TCEA3: variants seen among roughly 807,000 people sequenced by gnomAD.
The protein encoded by TCEA3 is transcription elongation factor A3.
TCEA3 carries 36 observed loss-of-function variants against 44.0 expected under a neutral mutation model. The ratio of observed to expected loss-of-function variants is 0.82; its 90% confidence interval spans 0.63 to 1.08. The LOEUF (loss-of-function observed/expected upper bound fraction) is 1.08. TCEA3 is among the 50% of genes least tolerant of loss of function. TCEA3 has a pLI of 0.00. For missense variants in TCEA3, 392 were observed against 441.2 expected, an observed-to-expected ratio of 0.89 and a Z score of 1.00; for synonymous variants, 162 against 159.7, an observed-to-expected ratio of 1.01 and a Z score of -0.11.
At chr1:23,418,394 C>T (rs144867416) in intron 2 of TCEA3, 2,898 of 195,810 alleles carry the variant, frequency 0.015, 89 homozygotes, top group African/African-American at 0.062. Flanking sequence ...TCACTGCAAC[C>T]TCCACCTCCC....
At chr1:23,417,853 C>G in intron 3 of TCEA3, 51 bp downstream of exon 3, 15 of 1,556,582 alleles carry the variant, frequency 9.6e-6, no homozygotes, top group Non-Finnish European at 1.3e-5. Flanking sequence ...CCAGTCCTGT[C>G]CCAAGTGCTA....
At chr1:23,392,405 T>TCATACACACACACTCCACA (rs1558030120) in intron 8 of TCEA3, among the ~76,000 whole-genome samples, 7,099 of 17,202 alleles carry the variant, frequency 0.41, 3,180 homozygotes, top group Middle Eastern at 0.82. Context: ...ACTCCACACA[T>TCATACACACACACTCCACA]CATCATGCAC....
rs550364999 is a variant in TCEA3 at position 23,382,563 on chromosome 1, C to T, written c.1039-1089G>A. Among the ~76,000 whole-genome samples the T allele has an allele frequency of 2.6e-5, 4 of 152,236 alleles. No homozygotes were observed. In the South Asian group the frequency reaches 8.3e-4, roughly 31 times the overall value. On this transcript the variant is annotated intron_variant, in intron 10 of 10. Coordinates refer to ENST00000450454, the MANE Select transcript of TCEA3 (RefSeq NM_003196.3). ...AGCTGAGGCTGAAACGTAGCCCCTGCTCTGTTTGCTCCGTACCCTGGCATG... is the reference window on the plus strand; with the variant it reads ...AGCTGAGGCTGAAACGTAGCCCCTGTTCTGTTTGCTCCGTACCCTGGCATG...
At chr1:23,386,759 C>A (rs960999267) in intron 9 of TCEA3, among the ~76,000 whole-genome samples, 1 of 151,936 alleles carries the variant, frequency 6.6e-6, no homozygotes, top group South Asian at 2.1e-4. Flanking sequence ...CTCACTCTGT[C>A]GCCCAAGCTG....
intron 4 of TCEA3, among the ~76,000 whole-genome samples, chr1:23,416,739 G>A (rs973512732): frequency 2.0e-5 from 3 of 151,894 alleles, no homozygotes; most frequent in East Asian, 1.9e-4. Context: ...TGATCCTCCC[G>A]CCTCAGCCTC....
chr1:23,399,855 T>C (rs1019541175), intron 5 of TCEA3, among the ~76,000 whole-genome samples: 1 of 152,136 alleles, frequency 6.6e-6, no homozygotes, highest in Non-Finnish European at 1.5e-5. Flanking sequence ...TTTGTATTTT[T>C]AGTAGAGATG....
chr1:23,385,873 G>A (rs1452901120), intron 9 of TCEA3, among the ~76,000 whole-genome samples: 1 of 152,174 alleles, frequency 6.6e-6, no homozygotes, highest in Non-Finnish European at 1.5e-5. Flanking sequence ...TGTGGATCTT[G>A]TTTATTACTA....
chr1:23,393,923 T>C lies in TCEA3; in HGVS notation c.775A>G (p.Ser259Gly). 6.2e-7 allele frequency: 1 copy of C among 1,613,954 alleles called. No individual in the cohort carries two copies. The highest frequency in any genetic ancestry group is 8.5e-7 in the Non-Finnish European group (1 of 1,179,888). Reference protein sequence around the residue: ...RNPGLRRNVLSGAISAGLIAK... With the variant: ...RNPGLRRNVLGGAISAGLIAK... ...ATAAGCCCTGCGGAGATGGCCCCAC[T>C]GAGCACGTTCCGCCGCAGGCCGGGG... is the stretch of plus-strand genomic sequence containing the variant. The change falls in exon 8 of 11, where the codon AGT becomes GGT. Residue 259 changes from serine (S) to glycine (G), a missense_variant. Coordinates refer to ENST00000450454, the MANE Select transcript of TCEA3 (RefSeq NM_003196.3).
chr1:23,408,105 G>GCACGCA (rs1024390647), intron 5 of TCEA3, among the ~76,000 whole-genome samples: 5 of 152,240 alleles, frequency 3.3e-5, no homozygotes, highest in Admixed American at 2.0e-4. Context: ...GGGATTACAG[G>GCACGCA]TGCCCACCAC....
At chr1:23,408,458 C>A in intron 5 of TCEA3, 2 of 523,838 alleles carry the variant, frequency 3.8e-6, no homozygotes, top group Admixed American at 3.3e-5. Context: ...AAGAATTGAC[C>A]ACAGAGAGAT....
intron 10 of TCEA3, chr1:23,384,102 A>G (rs558683880): frequency 8.1e-5 from 109 of 1,339,408 alleles, no homozygotes; most frequent in Non-Finnish European, 1.0e-4. Flanking sequence ...TCATCCTGTG[A>G]TAAAATGTGG....
chr1:23,387,610 C>T (rs536567282), intron 8 of TCEA3, among the ~76,000 whole-genome samples, 191 bp from the exon 9 acceptor site: 102 of 152,352 alleles, frequency 6.7e-4, no homozygotes, highest in African/African-American at 2.3e-3. Flanking sequence ...CTCCTGCCGC[C>T]CACGGCTGGA....
chr1:23,407,069 C>A (rs1639565040), intron 5 of TCEA3, among the ~76,000 whole-genome samples: 1 of 152,186 alleles, frequency 6.6e-6, no homozygotes, highest in Non-Finnish European at 1.5e-5. Flanking sequence ...GATTTTCCAC[C>A]CCAAGCCTGA....
intron 8 of TCEA3, 117 bp from the exon 9 acceptor site, chr1:23,387,536 A>G (rs1360770978): frequency 8.1e-7 from 1 of 1,233,948 alleles, no homozygotes; most frequent in Non-Finnish European, 1.1e-6. Flanking sequence ...GACTGCAAGG[A>G]GCTGGAAGGA....
intron 4 of TCEA3, among the ~76,000 whole-genome samples, chr1:23,410,635 C>T (rs1023418898): frequency 2.6e-5 from 4 of 151,894 alleles, no homozygotes; most frequent in African/African-American, 9.7e-5. Flanking sequence ...AACCCCATCT[C>T]TACTAAAAAT....
rs651036 is a variant in TCEA3, at chr1:23,381,023, C to G, written c.*443G>C. The G allele has an allele frequency of 0.84, 130,440 of 155,754 alleles. 56,239 individuals carry two copies. The highest frequency in any genetic ancestry group is 0.93 in the Non-Finnish European group (65,283 of 70,326). The allele number at this position is 155,754 out of a possible 1,614,324, so 9.6% of individuals were successfully genotyped here. ...TGGGAGAGAAGGAACTCAAAGCAAA[C>G]GTCTGCCAGCCCACTGTCAAAGATA... On this transcript the variant is annotated 3_prime_UTR_variant, in exon 11 of 11. Coordinates refer to ENST00000450454, the MANE Select transcript of TCEA3 (RefSeq NM_003196.3).
At chr1:23,419,623 G>T (rs1639999460) in intron 1 of TCEA3, among the ~76,000 whole-genome samples, 1 of 152,148 alleles carries the variant, frequency 6.6e-6, no homozygotes, top group African/African-American at 2.4e-5. Flanking sequence ...GGTCACTTGA[G>T]GCCAGGAGTT....
chr1:23,386,813 C>G (rs879267551), intron 9 of TCEA3, among the ~76,000 whole-genome samples: 32 of 152,130 alleles, frequency 2.1e-4, no homozygotes, highest in Non-Finnish European at 4.7e-4. Flanking sequence ...CTCCACCTCC[C>G]GGGTTCACGC....
Position 23,385,378 on chromosome 1 carries a change from C to T in TCEA3, c.967-961G>A, listed in dbSNP as rs921383627. On this transcript the variant is annotated intron_variant, in intron 9 of 10. Transcript: ENST00000450454. ...CAGCCTGGTCACTGGAAAGCAGTGA[C>T]GAGCAGAGAGAAAACTTTGCTAGTG... Among the ~76,000 whole-genome samples the T allele has an allele frequency of 3.9e-5, 6 of 152,250 alleles. No homozygotes were observed. In the East Asian group the frequency reaches 5.8e-4, roughly 15 times the overall value.
Sources: gnomAD v4.1 joint callset for allele counts (sites outside exome capture counted in the v4.1 genomes callset) on GRCh38, gnomAD v4.1.1 for gene constraint, MANE v1.5 for transcripts, NCBI Gene and HGNC (gene_info 2026-07-23, HGNC 2026-07-21) for gene names.